The following NUTM2B variants were observed in gnomAD, a reference collection of about 807,000 sequenced individuals.
NUTM2B encodes the protein family with sequence similarity 22, member B.
Under a neutral mutation model 42.4 loss-of-function variants are expected in NUTM2B, and 2 were observed. The ratio of observed to expected loss-of-function variants is 0.05; its 90% CI spans 0.02 to 0.15. The LOEUF (loss-of-function observed/expected upper bound fraction) is 0.15. NUTM2B is among the 10% of genes least tolerant of loss of function. NUTM2B has a pLI of 1.00. For synonymous variants in NUTM2B, 18 were observed against 402.4 expected, an observed-to-expected ratio of 0.04 and a Z score of 11.43; for missense variants, 58 against 952.6, an observed-to-expected ratio of 0.06 and a Z score of 12.36.
chr10:79,702,269 C>A (rs185170879), upstream of NUTM2B, among the ~76,000 whole-genome samples: 406 of 152,050 alleles, frequency 2.7e-3, 4 homozygotes, highest in African/African-American at 9.6e-3. Flanking sequence ...GGACAAAAGG[C>A]CTGGGAGCAC....
At chr10:79,692,336 G>A in the NUTM2B span, among the ~76,000 whole-genome samples, 1 of 152,232 alleles carries the variant, frequency 6.6e-6, no homozygotes, top group Non-Finnish European at 1.5e-5. Context: ...TAACCCTGTG[G>A]AGTTAGCACT....
At chr10:79,702,323 CT>C (rs1423784277), upstream of NUTM2B, among the ~76,000 whole-genome samples, 1 of 151,858 alleles carries the variant, frequency 6.6e-6, no homozygotes, top group African/African-American at 2.4e-5. Flanking sequence ...CCAGTGGCCA[CT>C]GTGGAGACAT....
chr10:79,696,084 AC>A, the NUTM2B span, among the ~76,000 whole-genome samples: 1 of 147,050 alleles, frequency 6.8e-6, no homozygotes, highest in Non-Finnish European at 1.5e-5. Context: ...CAGAATACAC[AC>A]CTATTAAAGC....
upstream of NUTM2B, among the ~76,000 whole-genome samples, chr10:79,702,350 G>C (rs968662856): frequency 7.9e-5 from 12 of 151,248 alleles, no homozygotes; most frequent in Non-Finnish European, 1.5e-4. Context: ...AGAAATGCTT[G>C]CTGGACCATT....
At chr10:79,694,800 A>G in the NUTM2B span, among the ~76,000 whole-genome samples, 1 of 152,130 alleles carries the variant, frequency 6.6e-6, no homozygotes, top group African/African-American at 2.4e-5. Context: ...AGGTCGCCCT[A>G]ACAGGATCTA....
upstream of NUTM2B, among the ~76,000 whole-genome samples, chr10:79,700,729 C>T (rs535257401): frequency 1.4e-4 from 21 of 152,346 alleles, no homozygotes; most frequent in East Asian, 4.0e-3. Flanking sequence ...CGTCTCCCTG[C>T]CATCAACCGC....
chr10:79,695,907 T>G, the NUTM2B span, among the ~76,000 whole-genome samples: 2 of 151,252 alleles, frequency 1.3e-5, no homozygotes, highest in South Asian at 4.2e-4. Context: ...TACCCCTGCA[T>G]CCATCTGTAG....
At chr10:79,692,476 C>A in the NUTM2B span, among the ~76,000 whole-genome samples, 1 of 152,174 alleles carries the variant, frequency 6.6e-6, no homozygotes, top group African/African-American at 2.4e-5. Flanking sequence ...AGAGCCTGTA[C>A]CCTTGACCTG....
chr10:79,700,440 C>G (rs560579806), upstream of NUTM2B, among the ~76,000 whole-genome samples: 16 of 152,396 alleles, frequency 1.0e-4, no homozygotes, highest in East Asian at 2.9e-3. Flanking sequence ...ACACCTCCCC[C>G]CTCACTTCAG....
At chr10:79,707,214 G>A (rs1302703504) in intron 2 of NUTM2B, among the ~76,000 whole-genome samples, 1 of 133,124 alleles carries the variant, frequency 7.5e-6, no homozygotes, top group Non-Finnish European at 1.6e-5. Context: ...AGCGGTGGTG[G>A]AGCCTGCATA....
chr10:79,702,218 G>A (rs1173522705), upstream of NUTM2B, among the ~76,000 whole-genome samples: 1 of 152,216 alleles, frequency 6.6e-6, no homozygotes, highest in Non-Finnish European at 1.5e-5. Context: ...GAGTTGCACA[G>A]TGGAAGAGGG....
chr10:79,702,468 G>A (rs75315548), upstream of NUTM2B, among the ~76,000 whole-genome samples: 4,211 of 151,380 alleles, frequency 0.028, 39 homozygotes, highest in Non-Finnish European at 0.042. Context: ...CTGGGCTTGA[G>A]ACTTGCAATC....
chr10:79,694,915 G>A, the NUTM2B span, among the ~76,000 whole-genome samples: 49 of 152,206 alleles, frequency 3.2e-4, no homozygotes, highest in East Asian at 7.4e-3. Flanking sequence ...TCCCTGCCAA[G>A]GTGCAACTAA....
At chr10:79,694,601 C>G in the NUTM2B span, among the ~76,000 whole-genome samples, 1 of 152,060 alleles carries the variant, frequency 6.6e-6, no homozygotes, top group Non-Finnish European at 1.5e-5. Flanking sequence ...AGAGCCTGCC[C>G]AGCTCTGCCC....
chr10:79,702,061 T>C (rs1281848173), upstream of NUTM2B, among the ~76,000 whole-genome samples: 191 of 149,192 alleles, frequency 1.3e-3, no homozygotes, highest in African/African-American at 4.2e-3. Flanking sequence ...AAGTTATTGA[T>C]TGAAAATCAT....
chr10:79,707,132 C>T (rs1355738160), intron 2 of NUTM2B, among the ~76,000 whole-genome samples: 2 of 130,960 alleles, frequency 1.5e-5, no homozygotes, highest in Non-Finnish European at 3.2e-5. Flanking sequence ...CACATGGGGC[C>T]GGGGGGAGGA....
chr10:79,710,991 C>T (rs1203122857), intron 5 of NUTM2B, among the ~76,000 whole-genome samples: 12 of 132,850 alleles, frequency 9.0e-5, no homozygotes, highest in East Asian at 5.0e-4. Flanking sequence ...GGAGTGTGTA[C>T]GTTACCTGTG....
chr10:79,702,126 T>C, upstream of NUTM2B, among the ~76,000 whole-genome samples: 1 of 151,382 alleles, frequency 6.6e-6, no homozygotes, highest in East Asian at 1.9e-4. Context: ...CCAAAGTGTT[T>C]ACGGTTTGTT....
At chr10:79,701,049 A>G (rs1175323033), upstream of NUTM2B, among the ~76,000 whole-genome samples, 1 of 152,190 alleles carries the variant, frequency 6.6e-6, no homozygotes, top group Non-Finnish European at 1.5e-5. Flanking sequence ...TTACCTTTGG[A>G]GGGTTTATCC....
Sources: allele counts gnomAD v4.1 joint callset (sites outside exome capture counted in the v4.1 genomes callset), GRCh38; gene constraint gnomAD v4.1.1; transcripts MANE v1.5; gene names NCBI Gene and HGNC (gene_info 2026-07-23, HGNC 2026-07-21).